Variants in KIF13A observed in about 807,000 individuals in gnomAD.
KIF13A encodes the protein kinesin-like protein KIF13A.
A neutral mutation model predicts 212.2 loss-of-function variants in KIF13A; 79 were observed. The observed-to-expected ratio is 0.37, with a 90% CI of 0.31 to 0.45. The LOEUF (loss-of-function observed/expected upper bound fraction) is 0.45, where lower values mean the gene tolerates loss of function less well. Among genes scored for constraint, KIF13A ranks in the 20% least tolerant of loss-of-function variants. KIF13A has a pLI of 1.00. For missense variants in KIF13A, 1,901 were observed against 2,209.0 expected, an observed-to-expected ratio of 0.86 and a Z score of 2.79; for synonymous variants, 789 against 808.6, an observed-to-expected ratio of 0.98 and a Z score of 0.41.
intron 4 of KIF13A, among the ~76,000 whole-genome samples, chr6:17,866,851 A>G (rs1247891400): frequency 2.5e-5 from 1 of 39,616 alleles, no homozygotes; most frequent in African/African-American, 5.3e-5. Flanking sequence ...ATATATATAT[A>G]TATATATATA....
intron 2 of KIF13A, among the ~76,000 whole-genome samples, chr6:17,981,143 C>G (rs1484971680): frequency 6.6e-6 from 1 of 151,220 alleles, no homozygotes; most frequent in African/African-American, 2.4e-5. Context: ...CTAACTAAAC[C>G]TATGTTTTTC....
rs958472247 is a variant in KIF13A at position 17,951,126 on chromosome 6, G to A, written c.146+35928C>T. ...CAACCATCCATTTATTCATATGTGG[G>A]GTCTGATGCAATTCACCTCACGCCA... On this transcript the variant is annotated intron_variant, in intron 2 of 38. Transcript: ENST00000259711. This position sits in a 1 kb window ranked among gnomAD's most constrained non-coding sequence, Gnocchi z 4.9. The A allele has an allele frequency of 8.4e-7, 1 of 1,189,642 alleles. No individual in the cohort carries two copies. 73.7% of individuals were successfully genotyped at this position (1,189,642 alleles called of 1,614,324 possible). A position where few individuals can be genotyped will look rare whatever the true frequency, so the allele number is the denominator to read the frequency against.
intron 2 of KIF13A, among the ~76,000 whole-genome samples, chr6:17,975,370 A>G (rs1780268719): frequency 1.3e-5 from 2 of 152,112 alleles, no homozygotes; most frequent in South Asian, 2.1e-4. Flanking sequence ...GGACCCTCAC[A>G]ATGAATATTA....
At position 17,915,346 on chromosome 6, in the gene KIF13A, A is replaced by C. The variant is rs1381808674; in HGVS notation, c.147-17166T>G. On this transcript the variant is annotated intron_variant, in intron 2 of 38. Transcript: ENST00000259711. The surrounding 1 kb of genome is among the most constrained non-coding windows in gnomAD (Gnocchi z 4.4). Reference sequence around the variant, plus strand: ...AAGCTCTCAGTGCCTCAGTTACCTCACCTGTCAAATAGAGCTGGTGTGGGG... The same window carrying C: ...AAGCTCTCAGTGCCTCAGTTACCTCCCCTGTCAAATAGAGCTGGTGTGGGG... Among the ~76,000 whole-genome samples, 3 of 152,172 alleles carry C rather than the reference A, an allele frequency of 2.0e-5. No individual in the cohort carries two copies. Among genetic ancestry groups the C allele is most frequent in the Non-Finnish European group, 4.4e-5 (3 of 68,028 alleles).
At chr6:17,842,049 A>C (rs1436254447) in intron 9 of KIF13A, among the ~76,000 whole-genome samples, 1 of 150,606 alleles carries the variant, frequency 6.6e-6, no homozygotes, top group African/African-American at 2.5e-5. Flanking sequence ...ACTTATACAT[A>C]TATTATTTTT....
chr6:17,806,092 A>G (rs1442415162), intron 18 of KIF13A, among the ~76,000 whole-genome samples: 3 of 151,436 alleles, frequency 2.0e-5, no homozygotes, highest in Middle Eastern at 3.4e-3. Context: ...ACTATTTTTT[A>G]TTTTATTTTT....
intron 11 of KIF13A, among the ~76,000 whole-genome samples, chr6:17,835,236 A>G (rs1211134494): frequency 5.9e-5 from 6 of 101,396 alleles, no homozygotes; most frequent in South Asian, 3.3e-4. Flanking sequence ...AAAAAAAAAA[A>G]AAAGAAACAG....
At chr6:17,790,228 C>T (rs1761417683) in intron 25 of KIF13A, among the ~76,000 whole-genome samples, 8 of 152,076 alleles carry the variant, frequency 5.3e-5, no homozygotes, top group Admixed American at 4.6e-4. Flanking sequence ...AATAGCAAGA[C>T]CCCATCTGTA....
At chr6:17,862,015 T>G (rs1423421544) in intron 4 of KIF13A, among the ~76,000 whole-genome samples, 1 of 152,202 alleles carries the variant, frequency 6.6e-6, no homozygotes, top group African/African-American at 2.4e-5. Context: ...TTTTTGTTAT[T>G]ATTTATTTTA....
chr6:17,764,510 C>G lies in KIF13A; in HGVS notation c.5018G>C (p.Ser1673Thr), dbSNP rs985719006. 6.2e-7 allele frequency: 1 copy of G among 1,613,912 alleles called. No individual in the cohort carries two copies. Among genetic ancestry groups the G allele is most frequent in the African/African-American group, 1.3e-5 (1 of 74,928 alleles). The change falls in exon 39 of 39, where the codon AGT becomes ACT. Residue 1673 changes from serine (S) to threonine (T), a missense_variant. Around this residue, in one of 5 missense-constraint regions of KIF13A, gnomAD observed 687 missense variants for 759.1 expected, o/e 0.90. Coordinates refer to ENST00000259711, the MANE Select transcript of KIF13A (RefSeq NM_022113.6). This position sits in a 1 kb window ranked among gnomAD's most constrained non-coding sequence, Gnocchi z 5.1. ...TGATGGGCTCCCTTTGGCTAAGGCA[C>G]TGTTTTCCTTGAGTGGCACCACAAT... ...KIIVVPLKEN[S>T]ALAKGSPSSQ... is the part of the protein sequence containing the mutation.
chr6:17,810,133 T>C (rs1763308695), intron 17 of KIF13A, among the ~76,000 whole-genome samples: 1 of 152,182 alleles, frequency 6.6e-6, no homozygotes, highest in Non-Finnish European at 1.5e-5. Flanking sequence ...GTCGGCTCAG[T>C]CTCTTCTCTT....
chr6:17,921,754 T>C (rs1030558986), intron 2 of KIF13A, among the ~76,000 whole-genome samples: 5 of 152,166 alleles, frequency 3.3e-5, no homozygotes, highest in Non-Finnish European at 7.4e-5. Context: ...CGTCCTGTGC[T>C]CTGAAGACTA....
chr6:17,835,878 CTTTCTTTT>C (rs2150378740), intron 11 of KIF13A, among the ~76,000 whole-genome samples: 1 of 146,868 alleles, frequency 6.8e-6, no homozygotes, highest in Admixed American at 7.1e-5. Flanking sequence ...GTTTTTCTTT[CTTTCTTTT>C]TTTCTTACAA....
chr6:17,890,454 A>C (rs1190569124), intron 3 of KIF13A, among the ~76,000 whole-genome samples: 70 of 152,250 alleles, frequency 4.6e-4, no homozygotes, highest in Non-Finnish European at 1.3e-4. Context: ...TTCTGCAGGC[A>C]GAGCTGCTTT....
chr6:17,771,237 A>G lies in KIF13A; in HGVS notation c.4477-19T>C, dbSNP rs1407682808. The G allele has an allele frequency of 3.9e-6, 6 of 1,541,986 alleles. No individual in the cohort carries two copies. Among genetic ancestry groups the G allele is most frequent in the Non-Finnish European group, 5.4e-6 (6 of 1,118,732 alleles). On this transcript the variant is annotated intron_variant, in intron 37 of 38. Transcript: ENST00000259711. This position sits in a 1 kb window ranked among gnomAD's most constrained non-coding sequence, Gnocchi z 5.4. ...GCATGCTCTGCAAAGGTTAAGACACACAGATGCATCACACACAAAGACGAC... is the reference window on the plus strand; with the variant it reads ...GCATGCTCTGCAAAGGTTAAGACACGCAGATGCATCACACACAAAGACGAC...
intron 2 of KIF13A, among the ~76,000 whole-genome samples, chr6:17,942,999 A>T (rs1458608016): frequency 6.6e-6 from 1 of 152,120 alleles, no homozygotes; most frequent in Non-Finnish European, 1.5e-5. Flanking sequence ...AACAAAAACA[A>T]AAACAAAAAA....
chr6:17,803,282 G>C (rs1393172206), intron 20 of KIF13A, among the ~76,000 whole-genome samples: 2 of 151,942 alleles, frequency 1.3e-5, no homozygotes, highest in Non-Finnish European at 2.9e-5. Flanking sequence ...GGGTCTCATA[G>C]TGTTGACCAG....
rs1768160855 is a variant in KIF13A at position 17,856,565 on chromosome 6, T to TA, written c.221-444dup. Reference sequence around the variant, plus strand: ...TTGGTGTTTTGTACATGCCAAGTGCTAAAAACCGTTAGTTGCTGAGGATGG... The same window carrying TA: ...TTGGTGTTTTGTACATGCCAAGTGCTAAAAAACCGTTAGTTGCTGAGGATGG... On this transcript the variant is annotated intron_variant, in intron 4 of 38. Transcript: ENST00000259711. The surrounding 1 kb of genome is among the most constrained non-coding windows in gnomAD (Gnocchi z 4.5). 1.3e-5 allele frequency among the ~76,000 whole-genome samples: 2 copies of TA among 152,210 alleles called. No individual in the cohort carries two copies. Among genetic ancestry groups the TA allele is most frequent in the South Asian group, 4.1e-4 (2 of 4,832 alleles).
intron 2 of KIF13A, among the ~76,000 whole-genome samples, chr6:17,954,750 T>C (rs1173910933): frequency 1.3e-5 from 2 of 152,166 alleles, no homozygotes; most frequent in African/African-American, 4.8e-5. Flanking sequence ...CATAGCTCAC[T>C]GTAGCCTCAA....
Sources: gnomAD v4.1 joint callset for allele counts (sites outside exome capture counted in the v4.1 genomes callset) on GRCh38, gnomAD v4.1.1 for gene constraint, gnomAD v4.1.1 regional missense constraint, Gnocchi (gnomAD v3.1) non-coding constraint, MANE v1.5 for transcripts, NCBI Gene and HGNC (gene_info 2026-07-23, HGNC 2026-07-21) for gene names.